PLEKHG1: variants seen among roughly 807,000 people sequenced by gnomAD.
PLEKHG1 encodes the protein pleckstrin homology and RhoGEF domain containing G1, also known as pleckstrin homology domain-containing family G member 1.
Under a neutral mutation model 100.8 loss-of-function variants are expected in PLEKHG1, and 44 were observed. The observed-to-expected ratio is 0.44, with a 90% CI of 0.34 to 0.56. PLEKHG1 has a LOEUF of 0.56. Ranked by LOEUF, PLEKHG1 falls within the 20% of genes least tolerant of loss-of-function variation. PLEKHG1 has a pLI of 0.01. For synonymous variants in PLEKHG1, 640 were observed against 662.5 expected, an observed-to-expected ratio of 0.97 and a Z score of 0.52; for missense variants, 1,545 against 1,720.9, an observed-to-expected ratio of 0.90 and a Z score of 1.81.
chr6:150,671,721 A>G (rs1020343201), intron 3 of PLEKHG1, among the ~76,000 whole-genome samples: 5 of 152,228 alleles, frequency 3.3e-5, no homozygotes, highest in African/African-American at 9.6e-5. Flanking sequence ...ATGCTCTAAG[A>G]GATCACATTC....
At chr6:150,698,419 A>G (rs1780631889) in intron 3 of PLEKHG1, among the ~76,000 whole-genome samples, 2 of 152,248 alleles carry the variant, frequency 1.3e-5, no homozygotes, top group South Asian at 2.1e-4. Flanking sequence ...CGTTATGACA[A>G]TTTTGTTAGT....
chr6:150,815,052 A>T (rs77089445), intron 10 of PLEKHG1, among the ~76,000 whole-genome samples: 10,004 of 152,250 alleles, frequency 0.066, 452 homozygotes, highest in East Asian at 0.15. Flanking sequence ...TACTTTATTC[A>T]CTATAATGTA....
At chr6:150,752,913 G>A (rs553196865) in intron 2 of PLEKHG1, among the ~76,000 whole-genome samples, 362 of 152,188 alleles carry the variant, frequency 2.4e-3, no homozygotes, top group Non-Finnish European at 3.9e-3. Flanking sequence ...GGAGTTAAAA[G>A]CCAGCCTCGG....
At chr6:150,634,655 C>T (rs1042330922) in intron 1 of PLEKHG1, among the ~76,000 whole-genome samples, 14 of 152,190 alleles carry the variant, frequency 9.2e-5, no homozygotes, top group African/African-American at 3.4e-4. Flanking sequence ...GGTTTAAATT[C>T]AGACATATGG....
exon 2 of PLEKHG1, chr6:150,733,961 G>A: frequency 1.2e-6 from 2 of 1,614,186 alleles, no homozygotes; most frequent in Admixed American, 3.3e-5. Flanking sequence ...GTGGAGAGTG[G>A]ACTCAAACGG....
chr6:150,843,417 C>T (rs938845758), exon 16 of PLEKHG1: 17 of 151,960 alleles, frequency 1.1e-4, no homozygotes, highest in African/African-American at 4.1e-4. Flanking sequence ...TTGTTTAAAA[C>T]AGTTTGTTTT....
chr6:150,740,562 TA>T (rs1480644890), intron 2 of PLEKHG1, among the ~76,000 whole-genome samples: 1 of 152,358 alleles, frequency 6.6e-6, no homozygotes, highest in African/African-American at 2.4e-5. Context: ...TCACTTAGAC[TA>T]ACGTTTTTTA....
rs569604880 is a variant in PLEKHG1 at position 150,608,746 on chromosome 6, A to G, written c.-204+8729A>G. On this transcript the variant is annotated intron_variant, in intron 1 of 3. Transcript: ENST00000367326. Reference sequence around the variant, plus strand: ...GAAAAAAACTGTGTGCATGGAAAAGATAAGTTTGTTTTTCTAAGATCTGAA... The same window carrying G: ...GAAAAAAACTGTGTGCATGGAAAAGGTAAGTTTGTTTTTCTAAGATCTGAA... 1.4e-4 allele frequency among the ~76,000 whole-genome samples: 22 copies of G among 152,368 alleles called. No homozygotes were observed. In the South Asian group the frequency reaches 3.9e-3, roughly 27 times the overall value.
At chr6:150,732,031 G>A (rs1360287705) in intron 1 of PLEKHG1, among the ~76,000 whole-genome samples, 1 of 146,892 alleles carries the variant, frequency 6.8e-6, no homozygotes, top group Non-Finnish European at 1.5e-5. Flanking sequence ...GCGCGATCTC[G>A]GCTCACTGCA....
chr6:150,756,422 G>C (rs1783842266), intron 2 of PLEKHG1, among the ~76,000 whole-genome samples: 1 of 152,108 alleles, frequency 6.6e-6, no homozygotes, highest in Admixed American at 6.5e-5. Context: ...CATTGTTTTT[G>C]ATACAATGAG....
intron 2 of PLEKHG1, among the ~76,000 whole-genome samples, chr6:150,755,339 T>C (rs1326363741): frequency 2.0e-5 from 3 of 152,160 alleles, no homozygotes; most frequent in Admixed American, 6.5e-5. Flanking sequence ...TCTGCCAACG[T>C]TGATGGTTAG....
chr6:150,819,790 T>G lies in PLEKHG1; in HGVS notation c.1408+16T>G, dbSNP rs761755165. The G allele has an allele frequency of 2.7e-5, 38 of 1,433,128 alleles. 1 individual carries two copies. The highest frequency in any genetic ancestry group is 2.3e-4 in the East Asian group (10 of 44,078). 88.8% of individuals were successfully genotyped at this position (1,433,128 alleles called of 1,614,324 possible). A position where few individuals can be genotyped will look rare whatever the true frequency, so the allele number is the denominator to read the frequency against. On this transcript the variant is annotated intron_variant, in intron 12 of 15. Transcript: ENST00000358517. ...AGAAAATCTGGTAAGTAAGATGTTGTCATAAAAATTTAATTCTAATGGGGG... is the reference window on the plus strand; with the variant it reads ...AGAAAATCTGGTAAGTAAGATGTTGGCATAAAAATTTAATTCTAATGGGGG...
chr6:150,767,532 T>C (rs1049639641), intron 2 of PLEKHG1, among the ~76,000 whole-genome samples: 1 of 152,228 alleles, frequency 6.6e-6, no homozygotes, highest in Non-Finnish European at 1.5e-5. Flanking sequence ...ATGAAAGCCT[T>C]GCCTATTTTG....
chr6:150,704,530 G>A (rs1239006903), intron 3 of PLEKHG1, among the ~76,000 whole-genome samples: 1 of 152,256 alleles, frequency 6.6e-6, no homozygotes, highest in Admixed American at 6.5e-5. Context: ...GGCAGGTGGA[G>A]TAAGGGGCTG....
chr6:150,731,146 C>T (rs1403070849), intron 1 of PLEKHG1, among the ~76,000 whole-genome samples: 1 of 152,178 alleles, frequency 6.6e-6, no homozygotes, highest in Admixed American at 6.5e-5. Context: ...GCATCCTTTG[C>T]TGCAAGCATA....
At chr6:150,780,108 C>T (rs1462902385) in intron 3 of PLEKHG1, among the ~76,000 whole-genome samples, 1 of 151,312 alleles carries the variant, frequency 6.6e-6, no homozygotes, top group Non-Finnish European at 1.5e-5. Flanking sequence ...AGAAATGTTT[C>T]TCTCTGGCTA....
chr6:150,676,152 A>C (rs1413102162), intron 3 of PLEKHG1, among the ~76,000 whole-genome samples: 1 of 152,234 alleles, frequency 6.6e-6, no homozygotes, highest in Non-Finnish European at 1.5e-5. Context: ...TGAAGTTTAA[A>C]ACCTTTTAGA....
chr6:150,810,975 T>G (rs189147972), intron 10 of PLEKHG1, among the ~76,000 whole-genome samples: 3 of 151,470 alleles, frequency 2.0e-5, no homozygotes, highest in Non-Finnish European at 2.9e-5. Flanking sequence ...GGTGGTGGTG[T>G]TTTTCCTTTT....
At chr6:150,648,786 C>G (rs1358478934) in intron 2 of PLEKHG1, among the ~76,000 whole-genome samples, 1 of 151,990 alleles carries the variant, frequency 6.6e-6, no homozygotes, top group East Asian at 1.9e-4. Context: ...GTTGTTTAGC[C>G]TTTATATTTT....
Sources: gnomAD v4.1 joint callset for allele counts (sites outside exome capture counted in the v4.1 genomes callset) on GRCh38, gnomAD v4.1.1 for gene constraint, MANE v1.5 for transcripts, NCBI Gene and HGNC (gene_info 2026-07-23, HGNC 2026-07-21) for gene names.